Variants in CPA6 observed in about 807,000 individuals in gnomAD.
CPA6 encodes the protein carboxypeptidase A6, also known as carboxypeptidase B.
CPA6 carries 58 observed loss-of-function variants against 63.3 expected under a neutral mutation model. The ratio of observed to expected loss-of-function variants is 0.92; its 90% confidence interval spans 0.74 to 1.14. The LOEUF (loss-of-function observed/expected upper bound fraction) is 1.14, where lower values mean the gene tolerates loss of function less well. Among genes scored for constraint, CPA6 ranks in the 50% most tolerant of loss-of-function variants. The pLI is 0.00. For synonymous variants in CPA6, 185 were observed against 179.0 expected (o/e 1.03, Z -0.27); for missense variants, 565 against 526.6 (o/e 1.07, Z -0.71).
At chr8:67,716,381 A>C (rs900016622) in intron 1 of CPA6, among the ~76,000 whole-genome samples, 4 of 152,132 alleles carry the variant, frequency 2.6e-5, no homozygotes, top group African/African-American at 9.7e-5. Context: ...TAAGGTGTAC[A>C]TTGGTTTGGT....
At chr8:67,552,774 CAAAAAAAAAAAAAA>C (rs762395117) in intron 2 of CPA6, among the ~76,000 whole-genome samples, 1 of 20,940 alleles carries the variant, frequency 4.8e-5, no homozygotes, top group Non-Finnish European at 8.7e-5. Context: ...AAGACTGTCT[CAAAAAAAAAAAAAA>C]AAAAAAAAAA....
At chr8:67,624,415 T>C (rs931743709) in intron 1 of CPA6, among the ~76,000 whole-genome samples, 164 bp from the exon 2 acceptor site, 1 of 152,270 alleles carries the variant, frequency 6.6e-6, no homozygotes, top group African/African-American at 2.4e-5. Flanking sequence ...CTGATTGCAT[T>C]GTTCTTTTCT....
At chr8:67,610,472 T>C (rs1447344673) in intron 2 of CPA6, among the ~76,000 whole-genome samples, 1 of 152,226 alleles carries the variant, frequency 6.6e-6, no homozygotes, top group Non-Finnish European at 1.5e-5. Flanking sequence ...CATTATTCTA[T>C]GACTTTTTAA....
intron 2 of CPA6, among the ~76,000 whole-genome samples, chr8:67,616,446 C>A (rs1453487055): frequency 6.7e-6 from 1 of 150,332 alleles, no homozygotes; most frequent in Non-Finnish European, 1.5e-5. Flanking sequence ...CTTAAGACTG[C>A]AGAGGAGAAG....
chr8:67,629,873 G>A (rs924670195), intron 1 of CPA6, among the ~76,000 whole-genome samples: 3 of 152,042 alleles, frequency 2.0e-5, no homozygotes, highest in Non-Finnish European at 2.9e-5. Flanking sequence ...TTGGGAGGCC[G>A]AGGCGGGTGG....
chr8:67,617,195 C>T (rs1814977630), intron 2 of CPA6, among the ~76,000 whole-genome samples: 1 of 152,068 alleles, frequency 6.6e-6, no homozygotes, highest in Non-Finnish European at 1.5e-5. Context: ...ATCATCATAA[C>T]ATGGTAGAGG....
intron 2 of CPA6, among the ~76,000 whole-genome samples, chr8:67,567,679 A>G (rs1323329284): frequency 6.6e-6 from 1 of 152,246 alleles, no homozygotes; most frequent in Admixed American, 6.5e-5. Flanking sequence ...TTGAATAAAA[A>G]TCTACATTGA....
chr8:67,523,085 C>T (rs1812292486), intron 2 of CPA6, among the ~76,000 whole-genome samples: 1 of 152,220 alleles, frequency 6.6e-6, no homozygotes, highest in Non-Finnish European at 1.5e-5. Context: ...GTTTGAATCC[C>T]AGCTCTGCCA....
intron 2 of CPA6, among the ~76,000 whole-genome samples, chr8:67,563,028 G>T (rs1270713349): frequency 2.0e-5 from 3 of 151,982 alleles, no homozygotes; most frequent in Non-Finnish European, 4.4e-5. Flanking sequence ...GCAGATGATG[G>T]GTCTCCATAG....
In CPA6 at chr8:67,452,014, CT is replaced by C. The variant is rs1385977593; in HGVS notation, c.839-17775del. On this transcript the variant is annotated intron_variant, in intron 8 of 10. Transcript: ENST00000297770. ...TTATCAAGAAAATACGGAGTGATAA[CT>C]TCATGACTAAGCATTTTCATAGAGA... Among the ~76,000 whole-genome samples the C allele has an allele frequency of 2.4e-4, 37 of 152,306 alleles. 1 individual carries two copies. Among genetic ancestry groups the C allele is most frequent in the Admixed American group, 1.4e-3 (22 of 15,294 alleles).
At chr8:67,554,892 A>G (rs1292324172) in intron 2 of CPA6, among the ~76,000 whole-genome samples, 1 of 152,076 alleles carries the variant, frequency 6.6e-6, no homozygotes, top group East Asian at 1.9e-4. Flanking sequence ...TTCTCCACTC[A>G]GTCCACTGAC....
chr8:67,545,693 G>T (rs1236764488), intron 2 of CPA6, among the ~76,000 whole-genome samples: 1 of 150,096 alleles, frequency 6.7e-6, no homozygotes, highest in East Asian at 2.0e-4. Flanking sequence ...TTCCCAAGTA[G>T]CTGGGAGAAC....
Position 67,741,301 on chromosome 8 carries a change from A to G in CPA6, c.116+4713T>C, listed in dbSNP as rs1817908843. On this transcript the variant is annotated intron_variant, in intron 1 of 10. Coordinates refer to ENST00000297770, the MANE Select transcript of CPA6 (RefSeq NM_020361.5). The stretch of plus-strand genomic sequence containing the variant: ...ATGGTGGGAAGCCAGTCCTCTCTGC[A>G]TACTCAGCCTATGTGCAGCAGGGCT... Among the ~76,000 whole-genome samples the G allele has an allele frequency of 2.0e-5, 3 of 152,196 alleles. No homozygotes were observed. In the South Asian group the frequency reaches 6.2e-4, roughly 31 times the overall value.
At chr8:67,466,796 C>T (rs1379699992) in intron 8 of CPA6, among the ~76,000 whole-genome samples, 1 of 152,148 alleles carries the variant, frequency 6.6e-6, no homozygotes, top group East Asian at 1.9e-4. Context: ...GGAAAAACAA[C>T]ACTAGTCCTC....
chr8:67,662,610 G>A (rs140934511), intron 1 of CPA6, among the ~76,000 whole-genome samples: 9 of 137,184 alleles, frequency 6.6e-5, no homozygotes, highest in Middle Eastern at 4.2e-3. Context: ...ACATACACAC[G>A]TATATGTATA....
chr8:67,511,567 A>T lies in CPA6; in HGVS notation c.406T>A (p.Tyr136Asn). Residue 136 changes from tyrosine (Y) to asparagine (N), a missense_variant, in exon 4 of 11, where the codon TAT becomes AAT. Tyr to Asn is a moderately radical substitution (Grantham distance 143). Transcript: ENST00000297770. Reference sequence around the variant, plus strand: ...TCTTCTAAGGAGTGATAAACTTCATAATTATATCCAGAGAGGGATCTTCGG... The same window carrying T: ...TCTTCTAAGGAGTGATAAACTTCATTATTATATCCAGAGAGGGATCTTCGG... ...RNRRSLSGYN[Y>N]EVYHSLEEIQ... is the part of the protein sequence containing the mutation. The T allele has an allele frequency of 6.2e-7, 1 of 1,607,186 alleles. No homozygotes were observed. The highest frequency in any genetic ancestry group is 8.5e-7 in the Non-Finnish European group (1 of 1,173,796).
intron 1 of CPA6, among the ~76,000 whole-genome samples, chr8:67,625,126 T>G (rs1815167140): frequency 1.3e-5 from 2 of 152,094 alleles, no homozygotes. Flanking sequence ...TGAGGGGTCT[T>G]GCATCTCACT....
At chr8:67,559,104 G>A (rs1813138232) in intron 2 of CPA6, among the ~76,000 whole-genome samples, 1 of 152,132 alleles carries the variant, frequency 6.6e-6, no homozygotes, top group South Asian at 2.1e-4. Flanking sequence ...TTGGGGTCTT[G>A]TTTAAAACGT....
intron 1 of CPA6, among the ~76,000 whole-genome samples, chr8:67,691,282 C>G (rs1274177591): frequency 6.6e-6 from 1 of 152,150 alleles, no homozygotes; most frequent in Non-Finnish European, 1.5e-5. Context: ...TTGGTGGTGA[C>G]TATCAATATC....
Sources: gnomAD v4.1 joint callset for allele counts (sites outside exome capture counted in the v4.1 genomes callset) on GRCh38, gnomAD v4.1.1 for gene constraint, MANE v1.5 for transcripts, NCBI Gene and HGNC (gene_info 2026-07-23, HGNC 2026-07-21) for gene names.